The following OPCML variants were observed in gnomAD, a reference collection of about 807,000 sequenced individuals.
The protein encoded by OPCML is opioid-binding protein/cell adhesion molecule.
Under a neutral mutation model 37.8 loss-of-function variants are expected in OPCML, and 13 were observed. That is an observed-to-expected ratio of 0.34 (90% CI 0.22 to 0.55). The LOEUF (loss-of-function observed/expected upper bound fraction) is 0.55, where lower values mean the gene tolerates loss of function less well. Ranked by LOEUF, OPCML falls within the 20% of genes least tolerant of loss-of-function variation. The probability of loss-of-function intolerance (pLI) is 0.91; values close to 1 mark genes in which losing one functional copy is unlikely to be tolerated. For missense variants in OPCML, 341 were observed against 435.6 expected, an observed-to-expected ratio of 0.78 and a Z score of 1.93; for synonymous variants, 176 against 168.8, an observed-to-expected ratio of 1.04 and a Z score of -0.33.
At chr11:133,156,347 T>C (rs757428997) in intron 1 of OPCML, among the ~76,000 whole-genome samples, 3 of 152,224 alleles carry the variant, frequency 2.0e-5, no homozygotes, top group Admixed American at 6.5e-5. Flanking sequence ...TTTTCTTCTC[T>C]ATCTAGCCAA....
chr11:132,786,402 C>T (rs866590871), intron 2 of OPCML, among the ~76,000 whole-genome samples: 2 of 152,102 alleles, frequency 1.3e-5, no homozygotes, highest in Admixed American at 1.3e-4. Flanking sequence ...GATATCAATG[C>T]CGTAGATAAC....
At chr11:133,222,876 G>A (rs1036304933) in intron 1 of OPCML, among the ~76,000 whole-genome samples, 12 of 152,120 alleles carry the variant, frequency 7.9e-5, no homozygotes, top group African/African-American at 2.9e-4. Flanking sequence ...GTGACAGGAG[G>A]AGACGAAAGA....
chr11:132,707,409 T>G (rs1452143557), intron 2 of OPCML, among the ~76,000 whole-genome samples: 2 of 152,232 alleles, frequency 1.3e-5, no homozygotes, highest in Non-Finnish European at 2.9e-5. Flanking sequence ...CTAATGGTTA[T>G]GGAATACCTA....
chr11:132,950,144 C>T (rs918507452), intron 1 of OPCML, among the ~76,000 whole-genome samples: 3 of 152,238 alleles, frequency 2.0e-5, no homozygotes, highest in Admixed American at 6.5e-5. Context: ...AGTGCGATAA[C>T]GTTGGAGACA....
chr11:132,612,377 T>A (rs1042043648), intron 3 of OPCML, among the ~76,000 whole-genome samples: 2 of 152,212 alleles, frequency 1.3e-5, no homozygotes, highest in African/African-American at 4.8e-5. Flanking sequence ...TTAATACAGC[T>A]TTCCATTTTG....
intron 3 of OPCML, among the ~76,000 whole-genome samples, chr11:132,653,774 C>T (rs1254823612): frequency 1.3e-5 from 2 of 152,202 alleles, no homozygotes; most frequent in Admixed American, 6.5e-5. Context: ...TAGGCGTGCA[C>T]TCCCTTCTGC....
chr11:133,187,286 A>G (rs1367565940), intron 1 of OPCML, among the ~76,000 whole-genome samples: 5 of 152,050 alleles, frequency 3.3e-5, no homozygotes, highest in African/African-American at 1.2e-4. Flanking sequence ...TACACATCCC[A>G]CGTCTTTCCA....
intron 3 of OPCML, among the ~76,000 whole-genome samples, chr11:132,554,112 C>A (rs945721464): frequency 1.3e-5 from 2 of 152,162 alleles, no homozygotes; most frequent in Non-Finnish European, 2.9e-5. Flanking sequence ...ACGCTGGGAC[C>A]TGAGATTTAG....
intron 1 of OPCML, among the ~76,000 whole-genome samples, chr11:133,364,350 C>T (rs1409343330): frequency 6.6e-6 from 1 of 152,152 alleles, no homozygotes; most frequent in Non-Finnish European, 1.5e-5. Context: ...CCACATGAAA[C>T]AGTGCTAATA....
chr11:132,714,224 C>A (rs1793257), intron 2 of OPCML, among the ~76,000 whole-genome samples: 1 of 152,130 alleles, frequency 6.6e-6, no homozygotes, highest in African/African-American at 2.4e-5. Context: ...TACTTCCTTT[C>A]CTTAAGATGT....
intron 2 of OPCML, among the ~76,000 whole-genome samples, chr11:132,721,949 C>CTT (rs1944684673): frequency 8.1e-6 from 1 of 123,916 alleles, no homozygotes; most frequent in Non-Finnish European, 1.6e-5. Context: ...TCTTTCCTTC[C>CTT]CTTTTTTTTT....
chr11:133,175,992 G>A (rs529641454), intron 1 of OPCML, among the ~76,000 whole-genome samples: 90 of 152,316 alleles, frequency 5.9e-4, no homozygotes, highest in African/African-American at 2.1e-3. Flanking sequence ...GGGTATGCAT[G>A]AGTGATACCC....
chr11:132,515,185 G>A (rs927755519), intron 4 of OPCML, among the ~76,000 whole-genome samples: 2 of 152,108 alleles, frequency 1.3e-5, no homozygotes, highest in Non-Finnish European at 2.9e-5. Flanking sequence ...ATCATCTAAG[G>A]TATCATTAAA....
chr11:132,441,139 A>T (rs1289349962), intron 4 of OPCML, among the ~76,000 whole-genome samples: 1 of 150,406 alleles, frequency 6.6e-6, no homozygotes, highest in Non-Finnish European at 1.5e-5. Flanking sequence ...AAAGATTCTG[A>T]AGATGTGTTC....
At chr11:133,091,951 C>T (rs1245715779) in intron 1 of OPCML, among the ~76,000 whole-genome samples, 2 of 152,100 alleles carry the variant, frequency 1.3e-5, no homozygotes, top group Non-Finnish European at 2.9e-5. Context: ...ATTTTATAGT[C>T]TGAATATCTT....
chr11:132,964,307 G>A (rs926773265), intron 1 of OPCML, among the ~76,000 whole-genome samples: 1 of 152,204 alleles, frequency 6.6e-6, no homozygotes, highest in African/African-American at 2.4e-5. Context: ...CAGTCTTCAT[G>A]ATACTGCTTT....
chr11:133,289,467 C>T (rs901222792), intron 1 of OPCML, among the ~76,000 whole-genome samples: 5 of 150,382 alleles, frequency 3.3e-5, no homozygotes, highest in South Asian at 2.1e-4. Flanking sequence ...TAGTGGCGGG[C>T]GCCTGTAGTC....
chr11:133,150,488 A>T (rs1949963520), intron 1 of OPCML, among the ~76,000 whole-genome samples: 1 of 152,118 alleles, frequency 6.6e-6, no homozygotes, highest in Admixed American at 6.5e-5. Flanking sequence ...GAGCTGCAGG[A>T]ATTTGAGCCC....
At position 133,422,115 on chromosome 11, in the gene OPCML, C is replaced by T. The variant is rs188567046; in HGVS notation, c.61+110149G>A. 1,609 of 983,106 alleles carry T rather than the reference C, an allele frequency of 1.6e-3. 12 individuals carry two copies. Among genetic ancestry groups the T allele is most frequent in the Middle Eastern group, 9.4e-3 (18 of 1,914 alleles). The allele number at this position is 983,106 out of a possible 1,614,324, so 60.9% of individuals were successfully genotyped here. On this transcript the variant is annotated intron_variant, in intron 1 of 7. Coordinates refer to ENST00000524381, the MANE Select transcript of OPCML (RefSeq NM_001012393.5). Reference sequence around the variant, plus strand: ...TGTTTCTCCTAATGCTATCCCTCCCCTAGCCCCCCACCCCCTGGCAGGCCC... The same window carrying T: ...TGTTTCTCCTAATGCTATCCCTCCCTTAGCCCCCCACCCCCTGGCAGGCCC...
Sources: gnomAD v4.1 joint callset for allele counts (sites outside exome capture counted in the v4.1 genomes callset) on GRCh38, gnomAD v4.1.1 for gene constraint, MANE v1.5 for transcripts, NCBI Gene and HGNC (gene_info 2026-07-23, HGNC 2026-07-21) for gene names.